Variants in ERBB4 observed in about 807,000 individuals in gnomAD.
ERBB4 encodes the protein receptor tyrosine-protein kinase erbB-4.
A neutral mutation model predicts 158.0 loss-of-function variants in ERBB4; 42 were observed. The ratio of observed to expected loss-of-function variants is 0.27; its 90% CI spans 0.21 to 0.34. The LOEUF (loss-of-function observed/expected upper bound fraction) is 0.34, where lower values mean the gene tolerates loss of function less well. Ranked by LOEUF, ERBB4 falls within the 10% of genes least tolerant of loss-of-function variation. ERBB4 has a pLI of 1.00. For synonymous variants in ERBB4, 583 were observed against 558.7 expected (o/e 1.04, Z -0.61); for missense variants, 1,333 against 1,624.1 (o/e 0.82, Z 3.08).
chr2:211,617,594 C>T lies in ERBB4; in HGVS notation c.2301+1583G>A, dbSNP rs570692758. 5.3e-5 allele frequency among the ~76,000 whole-genome samples: 8 copies of T among 152,058 alleles called. 1 individual carries two copies. In the South Asian group the frequency reaches 1.0e-3, roughly 20 times the overall value. ...TGGTAAGGCATGAAACCAACCAATC[C>T]GAAAAGCTGGTTTGTACAGGCTGAT... On this transcript the variant is annotated intron_variant, in intron 19 of 27. Coordinates refer to ENST00000342788, the MANE Select transcript of ERBB4 (RefSeq NM_005235.3).
intron 3 of ERBB4, among the ~76,000 whole-genome samples, chr2:211,927,482 T>G (rs992422761): frequency 2.0e-5 from 3 of 152,178 alleles, no homozygotes; most frequent in Admixed American, 1.3e-4. Context: ...AAAAGGATGT[T>G]TGTTTTCATT....
intron 19 of ERBB4, among the ~76,000 whole-genome samples, chr2:211,562,497 G>C (rs1050361688): frequency 1.3e-5 from 2 of 152,130 alleles, no homozygotes; most frequent in Non-Finnish European, 2.9e-5. Context: ...GGTAGAGTAA[G>C]GTGAGCTGAA....
At chr2:211,559,345 C>T (rs181127210) in intron 20 of ERBB4, among the ~76,000 whole-genome samples, 99 of 152,266 alleles carry the variant, frequency 6.5e-4, no homozygotes, top group Non-Finnish European at 1.2e-3. Context: ...ATGTCAATTG[C>T]ATGTTAAAAT....
intron 3 of ERBB4, among the ~76,000 whole-genome samples, chr2:211,874,593 G>T (rs1294780790): frequency 6.6e-6 from 1 of 152,078 alleles, no homozygotes; most frequent in East Asian, 1.9e-4. Flanking sequence ...CTCTTGATCT[G>T]CAAAATCCCT....
At chr2:211,999,204 C>T (rs975002162) in intron 2 of ERBB4, among the ~76,000 whole-genome samples, 2 of 151,768 alleles carry the variant, frequency 1.3e-5, no homozygotes, top group South Asian at 2.1e-4. Context: ...CTCTATGTCT[C>T]TTGCTTATCT....
At chr2:212,413,396 T>G (rs1308219003) in intron 1 of ERBB4, among the ~76,000 whole-genome samples, 1 of 152,104 alleles carries the variant, frequency 6.6e-6, no homozygotes, top group African/African-American at 2.4e-5. Flanking sequence ...TAGCCACATA[T>G]ACACCTGGCT....
chr2:211,633,155 A>C (rs1245569086), intron 16 of ERBB4, among the ~76,000 whole-genome samples: 1 of 152,148 alleles, frequency 6.6e-6, no homozygotes, highest in Non-Finnish European at 1.5e-5. Context: ...AGACATAGCA[A>C]CTGGATATAA....
intron 1 of ERBB4, among the ~76,000 whole-genome samples, chr2:212,342,424 G>C (rs187931155): frequency 6.6e-6 from 1 of 152,244 alleles, no homozygotes; most frequent in Admixed American, 6.5e-5. Flanking sequence ...ACACTCTCTT[G>C]CCTGCCACCA....
At chr2:212,458,643 T>A (rs192660934) in intron 1 of ERBB4, among the ~76,000 whole-genome samples, 17 of 151,962 alleles carry the variant, frequency 1.1e-4, no homozygotes, top group Admixed American at 1.1e-3. Flanking sequence ...AAAAAATCAT[T>A]CGAGCACAGT....
intron 1 of ERBB4, among the ~76,000 whole-genome samples, chr2:212,379,545 A>T (rs1300172491): frequency 6.6e-6 from 1 of 151,712 alleles, no homozygotes; most frequent in Non-Finnish European, 1.5e-5. Context: ...TATTATCTTG[A>T]GCCAGAAAGA....
In ERBB4 at chr2:212,497,486, T is replaced by C. The variant is rs565937453; in HGVS notation, c.82+40963A>G. 3.3e-5 allele frequency among the ~76,000 whole-genome samples: 5 copies of C among 152,312 alleles called. No individual in the cohort carries two copies. In the East Asian group the frequency reaches 7.7e-4, roughly 24 times the overall value. On this transcript the variant is annotated intron_variant, in intron 1 of 27. Coordinates refer to ENST00000342788, the MANE Select transcript of ERBB4 (RefSeq NM_005235.3). ...CTGAAGACGTGACAGTGCAGTGATA[T>C]AGGCAATGTGAATAGTATTGATAGA...
At chr2:211,722,167 G>A (rs2074119733) in intron 7 of ERBB4, among the ~76,000 whole-genome samples, 1 of 152,122 alleles carries the variant, frequency 6.6e-6, no homozygotes, top group African/African-American at 2.4e-5. Flanking sequence ...AGCCACAGTA[G>A]GAGTTTTATA....
rs376513263 is a variant in ERBB4 at position 211,421,988 on chromosome 2, A to G, written c.2964+19T>C. 55 of 1,517,870 alleles carry G rather than the reference A, an allele frequency of 3.6e-5. No individual in the cohort carries two copies. In the African/African-American group the frequency reaches 6.6e-4, roughly 18 times the overall value. The allele number at this position is 1,517,870 out of a possible 1,614,324, so 94.0% of individuals were successfully genotyped here. On this transcript the variant is annotated intron_variant, in intron 24 of 27. Coordinates refer to ENST00000342788, the MANE Select transcript of ERBB4 (RefSeq NM_005235.3). Reference sequence around the variant, plus strand: ...TTGCCATTGGCCTAGTCTTAAAGGCATAAGTCAAATGTACTCACCTGAATA... The same window carrying G: ...TTGCCATTGGCCTAGTCTTAAAGGCGTAAGTCAAATGTACTCACCTGAATA...
rs535536795 is a variant in ERBB4 at position 211,889,185 on chromosome 2, C to A, written c.421+58245G>T. Among the ~76,000 whole-genome samples the A allele has an allele frequency of 1.4e-5, 2 of 143,866 alleles. 1 individual carries two copies. The highest frequency in any genetic ancestry group is 3.0e-5 in the Non-Finnish European group (2 of 66,428). The allele number at this position is 143,866 out of a possible 152,430, so 94.4% of individuals were successfully genotyped here. On this transcript the variant is annotated intron_variant, in intron 3 of 27. Transcript: ENST00000342788. ...TTGAAGAGAGCAGTGGTTCTCCCAG[C>A]ACGCAGCTGGAGATCTGAGAACCCG...
At chr2:211,719,345 A>AC (rs1035089095) in intron 7 of ERBB4, among the ~76,000 whole-genome samples, 181 of 152,184 alleles carry the variant, frequency 1.2e-3, no homozygotes, top group African/African-American at 4.2e-3. Context: ...CTGAAGGATT[A>AC]TTTTTTTCTC....
intron 19 of ERBB4, among the ~76,000 whole-genome samples, chr2:211,568,054 T>C (rs1228919016): frequency 1.3e-5 from 2 of 152,068 alleles, no homozygotes; most frequent in Non-Finnish European, 2.9e-5. Flanking sequence ...CTGAAGACCA[T>C]GGGAATAAAT....
At chr2:211,995,502 T>G (rs1038555967) in intron 2 of ERBB4, among the ~76,000 whole-genome samples, 2 of 152,138 alleles carry the variant, frequency 1.3e-5, no homozygotes, top group African/African-American at 4.8e-5. Context: ...ACTCCTGGCC[T>G]CAAGCGATCC....
At chr2:212,190,302 C>T (rs532327418) in intron 1 of ERBB4, among the ~76,000 whole-genome samples, 56 of 152,214 alleles carry the variant, frequency 3.7e-4, no homozygotes, top group Non-Finnish European at 6.9e-4. Context: ...TTTGGGAGGC[C>T]AAGGCGGGCG....
At chr2:212,156,133 T>C (rs1488281196) in intron 1 of ERBB4, among the ~76,000 whole-genome samples, 2 of 151,886 alleles carry the variant, frequency 1.3e-5, no homozygotes, top group Non-Finnish European at 2.9e-5. Context: ...AAGGAAAGAG[T>C]AGAAAGAGCT....
Sources: allele counts gnomAD v4.1 joint callset (sites outside exome capture counted in the v4.1 genomes callset), GRCh38; gene constraint gnomAD v4.1.1; transcripts MANE v1.5; gene names NCBI Gene and HGNC (gene_info 2026-07-23, HGNC 2026-07-21).